NAA15: variants seen among roughly 807,000 people sequenced by gnomAD.
NAA15 encodes the protein N-alpha-acetyltransferase 15, NatA auxiliary subunit.
In NAA15, 34 loss-of-function variants were observed where a neutral mutation model predicts 114.0. The observed-to-expected ratio is 0.30, with a 90% confidence interval of 0.23 to 0.40. NAA15 has a LOEUF of 0.40. Ranked by LOEUF, NAA15 falls within the 10% of genes least tolerant of loss-of-function variation. The pLI is 1.00. For missense variants in NAA15, 658 were observed against 1,004.5 expected (o/e 0.66, Z 4.66); for synonymous variants, 340 against 338.0 (o/e 1.01, Z -0.06).
chr4:139,362,504 C>T (rs916454985), intron 14 of NAA15, among the ~76,000 whole-genome samples: 9 of 152,176 alleles, frequency 5.9e-5, no homozygotes, highest in African/African-American at 2.2e-4. Context: ...AACCCCTGAC[C>T]TCAAGTGATC....
intron 14 of NAA15, among the ~76,000 whole-genome samples, chr4:139,369,737 CAAA>C (rs1247894181): frequency 0.02 from 1,597 of 79,264 alleles, 17 homozygotes; most frequent in African/African-American, 0.067. Flanking sequence ...GACTCCGTCT[CAAA>C]AAAAAAAAAA....
At position 139,370,498 on chromosome 4, in the gene NAA15, T is replaced by A. The variant is rs537436034; in HGVS notation, c.1947+94T>A. ...TCTTATTTGACAGTATATAACCTTA[T>A]GTGATATAGGTTTTAGAGCCAAAAA... On this transcript the variant is annotated intron_variant, in intron 15 of 19. Coordinates refer to ENST00000296543, the MANE Select transcript of NAA15 (RefSeq NM_057175.5). 185 of 1,211,188 alleles carry A rather than the reference T, an allele frequency of 1.5e-4. 5 individuals are homozygous for A. In the South Asian group the frequency reaches 4.6e-3, roughly 30 times the overall value. The allele number at this position is 1,211,188 out of a possible 1,614,324, so 75.0% of individuals were successfully genotyped here.
At chr4:139,333,252 G>A (rs1330559745) in intron 1 of NAA15, among the ~76,000 whole-genome samples, 1 of 152,062 alleles carries the variant, frequency 6.6e-6, no homozygotes, top group African/African-American at 2.4e-5. Flanking sequence ...TGATGACTCA[G>A]CTGGTACAGA....
At chr4:139,325,671 C>G (rs931512343) in intron 1 of NAA15, among the ~76,000 whole-genome samples, 1 of 152,130 alleles carries the variant, frequency 6.6e-6, no homozygotes, top group African/African-American at 2.4e-5. Context: ...TTTTAAGAGA[C>G]AGTGTTTTGT....
intron 6 of NAA15, among the ~76,000 whole-genome samples, chr4:139,347,144 G>T (rs948669203): frequency 6.6e-6 from 1 of 152,042 alleles, no homozygotes; most frequent in African/African-American, 2.4e-5. Context: ...TAACCTTGGC[G>T]CTGTTGACAT....
chr4:139,330,276 TC>T (rs1169077251), intron 1 of NAA15, among the ~76,000 whole-genome samples: 2 of 152,374 alleles, frequency 1.3e-5, no homozygotes, highest in East Asian at 3.9e-4. Context: ...TTTAGTGCTT[TC>T]TTATTATAAG....
chr4:139,310,924 T>A (rs1271530581), intron 1 of NAA15, among the ~76,000 whole-genome samples: 2 of 134,354 alleles, frequency 1.5e-5, no homozygotes, highest in African/African-American at 3.1e-5. Flanking sequence ...TGGCCTAATT[T>A]AAAAAATTTT....
chr4:139,348,548 A>C (rs937545920), intron 6 of NAA15, among the ~76,000 whole-genome samples: 1 of 152,152 alleles, frequency 6.6e-6, no homozygotes, highest in African/African-American at 2.4e-5. Flanking sequence ...ACAGAGAGTG[A>C]AGGATGCAAG....
At chr4:139,328,600 ACT>A (rs1457332663) in intron 1 of NAA15, among the ~76,000 whole-genome samples, 7 of 119,528 alleles carry the variant, frequency 5.9e-5, no homozygotes, top group Non-Finnish European at 1.2e-4. Context: ...ATGGAGTCTC[ACT>A]CTGTCGCCAG....
intron 1 of NAA15, among the ~76,000 whole-genome samples, chr4:139,329,576 C>T (rs559251121): frequency 3.9e-5 from 6 of 152,216 alleles, no homozygotes; most frequent in Admixed American, 1.3e-4. Context: ...AAGGAATGAC[C>T]TTTTTGCAGT....
At chr4:139,370,469 A>G in intron 15 of NAA15, 65 bp downstream of exon 15, 3 of 1,456,398 alleles carry the variant, frequency 2.1e-6, no homozygotes, top group Non-Finnish European at 1.8e-6. Context: ...TCATTTTTAT[A>G]CTGTCTTATT....
At chr4:139,381,810 T>C (rs1251742646) in intron 17 of NAA15, among the ~76,000 whole-genome samples, 1 of 152,172 alleles carries the variant, frequency 6.6e-6, no homozygotes, top group African/African-American at 2.4e-5. Flanking sequence ...CTTAATTTAT[T>C]CATTCTGTTA....
At position 139,390,088 on chromosome 4, in the gene NAA15, A is replaced by G. The variant is rs1265013073; in HGVS notation, c.*2004A>G. The G allele has an allele frequency of 1.3e-5, 2 of 152,622 alleles. No individual in the cohort carries two copies. Among genetic ancestry groups the G allele is most frequent in the East Asian group, 3.9e-4 (2 of 5,192 alleles). 9.5% of individuals were successfully genotyped at this position (152,622 alleles called of 1,614,324 possible). On this transcript the variant is annotated 3_prime_UTR_variant, in exon 20 of 20. Transcript: ENST00000296543. ...CATATAATAGGGGGTGTATGTGTGA[A>G]TTTTGTTTAAACTCTACTGTATATT...
At chr4:139,364,744 CA>C (rs1162262499) in intron 14 of NAA15, among the ~76,000 whole-genome samples, 1 of 152,158 alleles carries the variant, frequency 6.6e-6, no homozygotes, top group Non-Finnish European at 1.5e-5. Flanking sequence ...CGTGTTTTTA[CA>C]TGCAGATTTT....
Position 139,387,389 on chromosome 4 carries a change from T to C in NAA15, c.2401-495T>C, listed in dbSNP as rs560629548. On this transcript the variant is annotated intron_variant, in intron 19 of 19. Transcript: ENST00000296543. ...TGAGACACTCTTTTCTGCTTAGTTA[T>C]TGGATGTGCCTTAAGTTGCTCTTTA... 2.0e-5 allele frequency among the ~76,000 whole-genome samples: 3 copies of C among 152,380 alleles called. No homozygotes were observed. The East Asian group carries it at 5.8e-4, about 29-fold the overall frequency.
At chr4:139,336,725 C>G (rs917025092) in intron 2 of NAA15, 123 bp from the exon 3 acceptor site, 7 of 471,926 alleles carry the variant, frequency 1.5e-5, no homozygotes, top group African/African-American at 4.0e-5. Flanking sequence ...TTAGTAATCT[C>G]CTTGACATTT....
At chr4:139,333,111 A>G (rs978618657) in intron 1 of NAA15, among the ~76,000 whole-genome samples, 7 of 152,158 alleles carry the variant, frequency 4.6e-5, no homozygotes, top group African/African-American at 1.4e-4. Context: ...TGTATTGCTT[A>G]GACATTAATT....
intron 1 of NAA15, chr4:139,302,116 A>G (rs1018225448): frequency 1.1e-5 from 4 of 362,334 alleles, no homozygotes; most frequent in Non-Finnish European, 2.0e-5. Context: ...ATTCTCCCCG[A>G]TCTGGGGGAG....
chr4:139,322,147 A>G (rs1181676068), intron 1 of NAA15, among the ~76,000 whole-genome samples: 1 of 152,126 alleles, frequency 6.6e-6, no homozygotes, highest in African/African-American at 2.4e-5. Flanking sequence ...TCCCCACCCA[A>G]ATCTTATCTT....
Sources: gnomAD v4.1 joint callset for allele counts (sites outside exome capture counted in the v4.1 genomes callset) on GRCh38, gnomAD v4.1.1 for gene constraint, MANE v1.5 for transcripts, NCBI Gene and HGNC (gene_info 2026-07-23, HGNC 2026-07-21) for gene names.